Variants in CDYL observed in about 807,000 individuals in gnomAD.
The protein encoded by CDYL is chromodomain Y like.
In CDYL, 8 loss-of-function variants were observed where a neutral mutation model predicts 47.3. The observed-to-expected ratio is 0.17, with a 90% CI of 0.10 to 0.31. The LOEUF (loss-of-function observed/expected upper bound fraction) is 0.31. Among genes scored for constraint, CDYL ranks in the 10% least tolerant of loss-of-function variants. The probability of loss-of-function intolerance (pLI) is 1.00; values close to 1 mark genes in which losing one functional copy is unlikely to be tolerated. For synonymous variants in CDYL, 266 were observed against 265.0 expected, an observed-to-expected ratio of 1.00 and a Z score of -0.04; for missense variants, 471 against 701.4, an observed-to-expected ratio of 0.67 and a Z score of 3.71.
chr6:4,840,226 A>G (rs1561663648), intron 1 of CDYL, among the ~76,000 whole-genome samples: 2 of 152,050 alleles, frequency 1.3e-5, no homozygotes, highest in East Asian at 1.9e-4. Flanking sequence ...TTGTTGGTGT[A>G]TAGCAGAGCT....
At chr6:4,795,111 C>G (rs1177058273) in intron 1 of CDYL, among the ~76,000 whole-genome samples, 3 of 150,968 alleles carry the variant, frequency 2.0e-5, no homozygotes, top group Admixed American at 6.6e-5. Flanking sequence ...TAAAATTTTA[C>G]TATTAAATAA....
intron 5 of CDYL, among the ~76,000 whole-genome samples, chr6:4,948,849 G>A (rs780743603): frequency 6.6e-6 from 1 of 152,244 alleles, no homozygotes; most frequent in Non-Finnish European, 1.5e-5. Context: ...GTGAATAAAC[G>A]TTGTTCAGAT....
At position 4,711,106 on chromosome 6, in the gene CDYL, T is replaced by C. The variant is rs550640355; in HGVS notation, c.-38-4635T>C. ...CACAAAATCCAACACAATGGACTTA[T>C]CCCCACCACCAGTCCATGCACTTGT... On this transcript the variant is annotated intron_variant, in intron 1 of 8. Coordinates refer to the CDYL transcript ENST00000328908. Among the ~76,000 whole-genome samples, 9 of 152,284 alleles carry C rather than the reference T, an allele frequency of 5.9e-5. No individual in the cohort carries two copies. In the South Asian group the frequency reaches 1.7e-3, roughly 28 times the overall value.
intron 4 of CDYL, among the ~76,000 whole-genome samples, chr6:4,940,270 T>G (rs1401058032): frequency 6.6e-6 from 1 of 152,250 alleles, no homozygotes; most frequent in Admixed American, 6.5e-5. Flanking sequence ...GTGACTATAT[T>G]TTTGTCAATG....
chr6:4,788,808 C>G (rs180805996), intron 1 of CDYL, among the ~76,000 whole-genome samples: 1 of 151,958 alleles, frequency 6.6e-6, no homozygotes, highest in South Asian at 2.1e-4. Context: ...GTCTGCCTGT[C>G]GAACAGCCAG....
chr6:4,769,127 G>A (rs1380927842), intron 3 of CDYL, among the ~76,000 whole-genome samples: 3 of 152,028 alleles, frequency 2.0e-5, no homozygotes, highest in Non-Finnish European at 4.4e-5. Context: ...ATGGGATCCC[G>A]GGGCAGAAAA....
At chr6:4,787,348 G>A (rs1457971351) in intron 1 of CDYL, among the ~76,000 whole-genome samples, 2 of 152,086 alleles carry the variant, frequency 1.3e-5, no homozygotes, top group South Asian at 2.1e-4. Context: ...CATTTGGCAC[G>A]CCATCCTGCG....
intron 2 of CDYL, among the ~76,000 whole-genome samples, chr6:4,934,562 T>C (rs1017384753): frequency 6.6e-6 from 1 of 152,224 alleles, no homozygotes; most frequent in Non-Finnish European, 1.5e-5. Flanking sequence ...ACTAGTAAAG[T>C]CTGATCTAGT....
In CDYL at chr6:4,841,507, A is replaced by C. The variant is rs141972510; in HGVS notation, c.25-50206A>C. Among the ~76,000 whole-genome samples, 27 of 152,028 alleles carry C rather than the reference A, an allele frequency of 1.8e-4. 1 individual carries two copies. In the East Asian group the frequency reaches 5.2e-3, roughly 29 times the overall value. On this transcript the variant is annotated intron_variant, in intron 1 of 6. Transcript: ENST00000397588. ...AGATTGTCTATTTGTTCTCTTTCAG[A>C]CTTTTCAGTGTTAGGCGTTTAAGCA...
At chr6:4,753,380 T>C (rs1758027701) in intron 3 of CDYL, among the ~76,000 whole-genome samples, 1 of 152,184 alleles carries the variant, frequency 6.6e-6, no homozygotes, top group South Asian at 2.1e-4. Context: ...TGTGTAATAA[T>C]GCAGAATACC....
chr6:4,807,114 C>T (rs1759392452), intron 1 of CDYL, among the ~76,000 whole-genome samples: 2 of 152,106 alleles, frequency 1.3e-5, no homozygotes, highest in African/African-American at 4.8e-5. Context: ...TAGGGCTCAC[C>T]CTCTAGATCT....
At chr6:4,846,842 T>C (rs886361960) in intron 1 of CDYL, among the ~76,000 whole-genome samples, 2 of 152,248 alleles carry the variant, frequency 1.3e-5, no homozygotes, top group Non-Finnish European at 2.9e-5. Context: ...AAGACTGTTT[T>C]AGGCAAACCA....
intron 2 of CDYL, among the ~76,000 whole-genome samples, chr6:4,720,322 C>T (rs991841247): frequency 2.6e-5 from 4 of 152,184 alleles, no homozygotes; most frequent in African/African-American, 7.2e-5. Context: ...GACGACTGAT[C>T]TTTCTTTCCA....
At chr6:4,882,601 T>A (rs936515898) in intron 1 of CDYL, among the ~76,000 whole-genome samples, 6 of 152,224 alleles carry the variant, frequency 3.9e-5, no homozygotes, top group Non-Finnish European at 8.8e-5. Context: ...GGGGTGGGAC[T>A]TGTTAAGGCA....
chr6:4,839,932 A>G (rs1291347340), intron 1 of CDYL, among the ~76,000 whole-genome samples: 1 of 151,190 alleles, frequency 6.6e-6, no homozygotes, highest in Non-Finnish European at 1.5e-5. Context: ...GAATTTTAGG[A>G]TTTTTTTTCT....
chr6:4,859,356 G>A (rs1201095149), intron 1 of CDYL, among the ~76,000 whole-genome samples: 1 of 151,980 alleles, frequency 6.6e-6, no homozygotes, highest in Non-Finnish European at 1.5e-5. Flanking sequence ...CATTGTGTAG[G>A]TAGGTCAGCT....
At chr6:4,897,779 T>G (rs1762324772) in intron 2 of CDYL, among the ~76,000 whole-genome samples, 1 of 95,006 alleles carries the variant, frequency 1.1e-5, no homozygotes, top group African/African-American at 4.2e-5. Context: ...TCCTAGGTTT[T>G]GAAGGTTTTT....
chr6:4,781,396 TGG>T (rs1758615716), intron 1 of CDYL, among the ~76,000 whole-genome samples: 1 of 152,192 alleles, frequency 6.6e-6, no homozygotes, highest in South Asian at 2.1e-4. Flanking sequence ...ATGTTGTATA[TGG>T]TGTAGCTGTC....
At chr6:4,838,709 C>G (rs1402787599) in intron 1 of CDYL, among the ~76,000 whole-genome samples, 1 of 151,182 alleles carries the variant, frequency 6.6e-6, no homozygotes, top group Non-Finnish European at 1.5e-5. Context: ...TTTTTTGAGA[C>G]AGAGTCTCCC....
Sources: gnomAD v4.1 joint callset for allele counts (sites outside exome capture counted in the v4.1 genomes callset) on GRCh38, gnomAD v4.1.1 for gene constraint, MANE v1.5 for transcripts, NCBI Gene and HGNC (gene_info 2026-07-23, HGNC 2026-07-21) for gene names.